The following PICALM variants were observed in gnomAD, a reference collection of about 807,000 sequenced individuals.
The protein encoded by PICALM is phosphatidylinositol-binding clathrin assembly protein.
A neutral mutation model predicts 80.5 loss-of-function variants in PICALM; 40 were observed. That is an observed-to-expected ratio of 0.50 (90% CI 0.39 to 0.65). The LOEUF is 0.65. Among genes scored for constraint, PICALM ranks in the 30% least tolerant of loss-of-function variants. The pLI, the probability that PICALM is intolerant of heterozygous loss-of-function variation, is 0.00. For missense variants in PICALM, 676 were observed against 778.9 expected (o/e 0.87, Z 1.57); for synonymous variants, 288 against 260.3 (o/e 1.11, Z -1.02).
intron 19 of PICALM, among the ~76,000 whole-genome samples, chr11:85,960,101 T>C (rs1042590260): frequency 2.6e-4 from 39 of 152,288 alleles, no homozygotes; most frequent in African/African-American, 9.4e-4. Flanking sequence ...GTCTTTTTAT[T>C]AACATAAATA....
chr11:85,961,404 A>G (rs1435391667), intron 19 of PICALM, among the ~76,000 whole-genome samples: 1 of 152,200 alleles, frequency 6.6e-6, no homozygotes, highest in Non-Finnish European at 1.5e-5. Flanking sequence ...ACTGCCCTGA[A>G]TATGGGGAAT....
chr11:86,043,992 G>C (rs1025859373), intron 1 of PICALM, among the ~76,000 whole-genome samples: 10 of 152,132 alleles, frequency 6.6e-5, no homozygotes, highest in African/African-American at 2.2e-4. Flanking sequence ...ATGAAGCTTT[G>C]CAAACCTCAG....
intron 8 of PICALM, among the ~76,000 whole-genome samples, chr11:86,006,856 TGATA>T (rs1264656048): frequency 6.6e-6 from 1 of 152,100 alleles, no homozygotes; most frequent in Admixed American, 6.6e-5. Context: ...ATGATGATGA[TGATA>T]AAGACAATAT....
chr11:85,985,654 T>C (rs2094552674), intron 13 of PICALM, among the ~76,000 whole-genome samples: 2 of 95,268 alleles, frequency 2.1e-5, no homozygotes, highest in South Asian at 8.6e-4. Flanking sequence ...CATCAGCTTA[T>C]TGGTTGTTCT....
chr11:85,976,555 T>C (rs967419194), intron 18 of PICALM, 68 bp downstream of exon 18: 7 of 966,032 alleles, frequency 7.2e-6, no homozygotes, highest in African/African-American at 3.2e-5. Flanking sequence ...TTAGGTTAAA[T>C]TGTAATAAAA....
chr11:85,988,321 CAA>C (rs980571992), intron 13 of PICALM, among the ~76,000 whole-genome samples: 1 of 152,032 alleles, frequency 6.6e-6, no homozygotes, highest in African/African-American at 2.4e-5. Context: ...ATAAAACCAC[CAA>C]GTGTTTAATT....
In PICALM at chr11:86,022,401, G is replaced by T; in HGVS notation, c.418C>A (p.Gln140Lys). ...ACTTTTGTGAAATCAAATGCAACTT[G>T]TCTGTATGAAACTGCTTTCTCATTT... ...YLNEKAVSYR[Q>K]VAFDFTKVKR... Residue 140 changes from glutamine (Q) to lysine (K), a missense_variant, in exon 4 of 20, where the codon CAA becomes AAA. By Grantham distance (53) the Gln-to-Lys change is moderately conservative. Around this residue, in one of 2 missense-constraint regions of PICALM, gnomAD observed 285 missense variants for 395.4 expected, o/e 0.72. Transcript: ENST00000393346. 1 of 1,590,928 alleles carries T rather than the reference G, an allele frequency of 6.3e-7. No homozygotes were observed. Among genetic ancestry groups the T allele is most frequent in the Non-Finnish European group, 8.5e-7 (1 of 1,169,900 alleles).
At position 85,996,944 on chromosome 11, in the gene PICALM, T is replaced by C. The variant is rs762481190; in HGVS notation, c.1155-15A>G. 6 of 1,576,150 alleles carry C rather than the reference T, an allele frequency of 3.8e-6. No homozygotes were observed. ...GCTTTGATGTGCTAGAAAGATATTT[T>C]GGAAACGTGTTTTATTTACCAGAAA... is the stretch of plus-strand genomic sequence containing the variant. On this transcript the variant is annotated splice_polypyrimidine_tract_variant and intron_variant, in intron 11 of 19. Transcript: ENST00000393346.
intron 1 of PICALM, among the ~76,000 whole-genome samples, chr11:86,033,243 T>G (rs1217699611): frequency 6.6e-6 from 1 of 151,554 alleles, no homozygotes; most frequent in Non-Finnish European, 1.5e-5. Flanking sequence ...CACACACAAT[T>G]TAATACTATA....
chr11:85,990,414 T>C lies in PICALM; in HGVS notation c.1259-15A>G, dbSNP rs2135902637. On this transcript the variant is annotated splice_polypyrimidine_tract_variant and intron_variant, in intron 12 of 19. Transcript: ENST00000393346. ...AGAGAAAGGATCTGTGCAGTCCAAA[T>C]GTATTATAGCAAAATGAAGAAAGGA... 2.0e-6 allele frequency: 3 copies of C among 1,521,328 alleles called. No homozygotes were observed. In the East Asian group the frequency reaches 6.9e-5, roughly 35 times the overall value. 94.2% of individuals were successfully genotyped at this position (1,521,328 alleles called of 1,614,324 possible). A position where few individuals can be genotyped will look rare whatever the true frequency, so the allele number is the denominator to read the frequency against.
intron 1 of PICALM, among the ~76,000 whole-genome samples, chr11:86,054,289 T>C (rs2096237288): frequency 6.6e-6 from 1 of 152,164 alleles, no homozygotes; most frequent in Non-Finnish European, 1.5e-5. Context: ...AAACTATGTG[T>C]GAAAAGGAAA....
chr11:86,059,523 G>A (rs1223646634), intron 1 of PICALM, among the ~76,000 whole-genome samples: 4 of 152,274 alleles, frequency 2.6e-5, no homozygotes, highest in South Asian at 2.1e-4. Flanking sequence ...AAAAGAGGCC[G>A]AGCATGGTGG....
intron 2 of PICALM, among the ~76,000 whole-genome samples, chr11:86,028,246 C>G (rs571934183): frequency 6.6e-6 from 1 of 152,132 alleles, no homozygotes; most frequent in Non-Finnish European, 1.5e-5. Context: ...AGTAATAAGG[C>G]TTCACAGGTT....
At chr11:86,040,779 C>A (rs2095948825) in intron 1 of PICALM, among the ~76,000 whole-genome samples, 1 of 152,122 alleles carries the variant, frequency 6.6e-6, no homozygotes, top group South Asian at 2.1e-4. Context: ...AAGCCACACA[C>A]TTTCAGAGCT....
chr11:85,990,445 A>C (rs759303004), intron 12 of PICALM, 46 bp from the exon 13 acceptor site: 1 of 1,238,196 alleles, frequency 8.1e-7, no homozygotes. Flanking sequence ...AAGGAAGTAA[A>C]TAAATTAGTA....
intron 1 of PICALM, among the ~76,000 whole-genome samples, chr11:86,040,924 T>A (rs2095952591): frequency 6.6e-6 from 1 of 152,054 alleles, no homozygotes; most frequent in Non-Finnish European, 1.5e-5. Flanking sequence ...TCTTTGGGGG[T>A]AAAGATACAG....
chr11:86,043,212 T>C (rs1021697057), intron 1 of PICALM, among the ~76,000 whole-genome samples: 28 of 152,220 alleles, frequency 1.8e-4, no homozygotes, highest in Non-Finnish European at 3.8e-4. Context: ...CATTTGCATT[T>C]TCCTTTTATG....
chr11:85,977,349 C>T (rs2094314832), intron 17 of PICALM, among the ~76,000 whole-genome samples: 1 of 152,178 alleles, frequency 6.6e-6, no homozygotes. Context: ...AACCATCTAT[C>T]ACTATGATGT....
At chr11:85,984,774 T>C (rs1014277222) in intron 13 of PICALM, among the ~76,000 whole-genome samples, 21 of 152,170 alleles carry the variant, frequency 1.4e-4, no homozygotes, top group Admixed American at 1.0e-3. Flanking sequence ...ATCTTTAAGA[T>C]CAGCCTATAC....
Sources: gnomAD v4.1 joint callset for allele counts (sites outside exome capture counted in the v4.1 genomes callset) on GRCh38, gnomAD v4.1.1 for gene constraint, gnomAD v4.1.1 regional missense constraint, MANE v1.5 for transcripts, NCBI Gene and HGNC (gene_info 2026-07-23, HGNC 2026-07-21) for gene names.